BIN3: variants seen among roughly 807,000 people sequenced by gnomAD.
The protein encoded by BIN3 is bridging integrator 3.
In BIN3, 41 loss-of-function variants were observed where a neutral mutation model predicts 38.2. That is an observed-to-expected ratio of 1.07 (90% CI 0.84 to 1.39). The LOEUF is 1.39. BIN3 is among the 40% of genes most tolerant of loss of function. BIN3 has a pLI of 0.00. For missense variants in BIN3, 361 were observed against 324.3 expected (o/e 1.11, Z -0.87); for synonymous variants, 145 against 122.6 (o/e 1.18, Z -1.21).
chr8:22,628,605 T>C (rs1280666009), intron 6 of BIN3, among the ~76,000 whole-genome samples: 1 of 152,180 alleles, frequency 6.6e-6, no homozygotes, highest in Non-Finnish European at 1.5e-5. Flanking sequence ...CCATTTGGGC[T>C]TCAGAAGCCA....
intron 2 of BIN3, among the ~76,000 whole-genome samples, chr8:22,638,432 C>T (rs1350482981): frequency 5.3e-5 from 8 of 152,186 alleles, no homozygotes; most frequent in Admixed American, 5.2e-4. Context: ...CAAATTTAAA[C>T]AACATTCATT....
intron 6 of BIN3, chr8:22,625,031 C>G: frequency 5.1e-6 from 2 of 389,832 alleles, no homozygotes. Flanking sequence ...CAGCAGAAAT[C>G]CTCTGGCTCT....
chr8:22,623,859 G>C lies in BIN3; in HGVS notation c.615+56C>G, dbSNP rs990691880. The C allele has an allele frequency of 2.5e-5, 40 of 1,574,496 alleles. No homozygotes were observed. In the African/African-American group the frequency reaches 4.7e-4, roughly 19 times the overall value. Reference sequence around the variant, plus strand: ...GCCACCCTTCCAGTGTGGGTGACAGGGAGTGGCATGAGCTGTGTATACCAA... The same window carrying C: ...GCCACCCTTCCAGTGTGGGTGACAGCGAGTGGCATGAGCTGTGTATACCAA... On this transcript the variant is annotated intron_variant, in intron 8 of 8. Transcript: ENST00000276416.
At position 22,656,754 on chromosome 8, in the gene BIN3, T is replaced by C. The variant is rs187172434; in HGVS notation, c.9-11951A>G. 3.5e-4 allele frequency among the ~76,000 whole-genome samples: 53 copies of C among 152,358 alleles called. 1 individual carries two copies. Among genetic ancestry groups the C allele is most frequent in the Admixed American group, 1.7e-3 (26 of 15,308 alleles). On this transcript the variant is annotated intron_variant, in intron 1 of 8. Transcript: ENST00000276416. ...ACTAAAAGGTACAAATATTAGGTTT[T>C]TGAATTCCACCAATGCCTTTCACCA...
At chr8:22,658,788 G>A (rs900839027) in intron 1 of BIN3, among the ~76,000 whole-genome samples, 4 of 152,220 alleles carry the variant, frequency 2.6e-5, no homozygotes, top group Non-Finnish European at 5.9e-5. Context: ...TTTTGGGGGC[G>A]AGGGAGGTAA....
intron 1 of BIN3, among the ~76,000 whole-genome samples, chr8:22,648,947 G>T (rs1032212497): frequency 2.0e-5 from 3 of 150,788 alleles, no homozygotes; most frequent in African/African-American, 7.3e-5. Flanking sequence ...ATGTAAGTGT[G>T]TGTGTGTATT....
intron 1 of BIN3, among the ~76,000 whole-genome samples, chr8:22,657,019 C>G (rs1803077747): frequency 6.6e-6 from 1 of 152,196 alleles, no homozygotes; most frequent in African/African-American, 2.4e-5. Flanking sequence ...GTACTAGGCA[C>G]AGTGCTATTT....
Position 22,668,359 on chromosome 8 carries a change from G to C in BIN3, c.8+685C>G, listed in dbSNP as rs1251796538. Among the ~76,000 whole-genome samples, 3 of 152,184 alleles carry C rather than the reference G, an allele frequency of 2.0e-5. No homozygotes were observed. In the East Asian group the frequency reaches 5.8e-4, roughly 29 times the overall value. ...ACATCATACTGCAGCAACTGGAATT[G>C]TGACTCTATTACTCTAAGACTCCCT... On this transcript the variant is annotated intron_variant, in intron 1 of 8. Transcript: ENST00000276416.
chr8:22,658,628 C>T lies in BIN3; in HGVS notation c.8+10416G>A, dbSNP rs1803134578. On this transcript the variant is annotated intron_variant, in intron 1 of 8. Coordinates refer to ENST00000276416, the MANE Select transcript of BIN3 (RefSeq NM_018688.6). ...CCCCTGGTCACCCCAGAACCCTAAA[C>T]CTGCTTCCTGGGTCTTTGCTTGGCC... 2.0e-5 allele frequency among the ~76,000 whole-genome samples: 3 copies of T among 152,310 alleles called. No individual in the cohort carries two copies. In the South Asian group the frequency reaches 6.2e-4, roughly 32 times the overall value.
At chr8:22,649,029 T>G (rs549144071) in intron 1 of BIN3, among the ~76,000 whole-genome samples, 1 of 152,206 alleles carries the variant, frequency 6.6e-6, no homozygotes. Flanking sequence ...CTAGAATCAG[T>G]GGAGGAACTT....
rs748341006 is a variant in BIN3 at position 22,625,429 on chromosome 8, G to C, written c.339-1066C>G. 1.0e-5 allele frequency: 7 copies of C among 702,458 alleles called. 1 individual carries two copies. The highest frequency in any genetic ancestry group is 3.0e-5 in the South Asian group (2 of 67,588). 43.5% of individuals were successfully genotyped at this position (702,458 alleles called of 1,614,324 possible). On this transcript the variant is annotated intron_variant, in intron 6 of 8. Transcript: ENST00000276416. ...TGGTTCCTCCTGGACATTTTTATGA[G>C]GAACCCAGAGAGGAGGAAAGACGAG...
Position 22,655,149 on chromosome 8 carries a change from T to C in BIN3, c.9-10346A>G, listed in dbSNP as rs189089537. Among the ~76,000 whole-genome samples, 20 of 152,356 alleles carry C rather than the reference T, an allele frequency of 1.3e-4. No homozygotes were observed. The East Asian group carries it at 3.1e-3, about 23-fold the overall frequency. On this transcript the variant is annotated intron_variant, in intron 1 of 8. Coordinates refer to ENST00000276416, the MANE Select transcript of BIN3 (RefSeq NM_018688.6). Reference sequence around the variant, plus strand: ...GCTCATTCTAAAACTTTTATTATTATTGTTGTTGAGTTGTAAGAGTTCTTT... The same window carrying C: ...GCTCATTCTAAAACTTTTATTATTACTGTTGTTGAGTTGTAAGAGTTCTTT...
chr8:22,624,616 A>G, intron 6 of BIN3: 2 of 483,464 alleles, frequency 4.1e-6, no homozygotes, highest in Non-Finnish European at 7.4e-6. Flanking sequence ...AACGTGGACA[A>G]TGTCATGGGG....
intron 2 of BIN3, among the ~76,000 whole-genome samples, chr8:22,643,221 ATTCTTTGGAC>A (rs1802617337): frequency 6.6e-6 from 1 of 152,136 alleles, no homozygotes; most frequent in South Asian, 2.1e-4. Flanking sequence ...GCACACCCAG[ATTCTTTGGAC>A]TTCAGCTGAG....
intron 1 of BIN3, among the ~76,000 whole-genome samples, chr8:22,651,020 T>C (rs1181316130): frequency 6.6e-6 from 1 of 152,200 alleles, no homozygotes; most frequent in African/African-American, 2.4e-5. Context: ...ATAGCAGTTG[T>C]AGCCGATGTA....
intron 1 of BIN3, among the ~76,000 whole-genome samples, chr8:22,660,592 C>T (rs1803200651): frequency 6.6e-6 from 1 of 152,236 alleles, no homozygotes; most frequent in East Asian, 1.9e-4. Context: ...CCCCTCCCTA[C>T]ATCGTCCCCA....
chr8:22,637,035 ACT>A (rs1255820942), intron 2 of BIN3, 73 bp from the exon 3 acceptor site: 15 of 1,344,984 alleles, frequency 1.1e-5, no homozygotes, highest in East Asian at 2.3e-5. Context: ...GCCTCCTGAA[ACT>A]CTCTCCACAC....
At chr8:22,629,494 C>T (rs913891825) in intron 6 of BIN3, among the ~76,000 whole-genome samples, 3 of 152,244 alleles carry the variant, frequency 2.0e-5, no homozygotes, top group African/African-American at 4.8e-5. Context: ...CGGGCCAGAC[C>T]CCGCTGCCAC....
In BIN3 at chr8:22,667,366, A is replaced by C. The variant is rs117702208; in HGVS notation, c.8+1678T>G. 2.3e-3 allele frequency among the ~76,000 whole-genome samples: 356 copies of C among 152,308 alleles called. 7 individuals are homozygous for C. In the East Asian group the frequency reaches 0.063, roughly 27 times the overall value. On this transcript the variant is annotated intron_variant, in intron 1 of 8. Coordinates refer to ENST00000276416, the MANE Select transcript of BIN3 (RefSeq NM_018688.6). ...CCTGCTTCGGATCACCCAGAGAATC[A>C]TTTACCTTTATTAGTTTCTGCTGTG...
Sources: gnomAD v4.1 joint callset for allele counts (sites outside exome capture counted in the v4.1 genomes callset) on GRCh38, gnomAD v4.1.1 for gene constraint, MANE v1.5 for transcripts, NCBI Gene and HGNC (gene_info 2026-07-23, HGNC 2026-07-21) for gene names.